The following PIKFYVE variants were observed in gnomAD, a reference collection of about 807,000 sequenced individuals.
PIKFYVE encodes the protein phosphoinositide kinase, FYVE-type zinc finger containing, also known as 1-phosphatidylinositol 3-phosphate 5-kinase.
PIKFYVE carries 122 observed loss-of-function variants against 257.9 expected under a neutral mutation model. The observed-to-expected ratio is 0.47, with a 90% CI of 0.41 to 0.55. The LOEUF is 0.55. Among genes scored for constraint, PIKFYVE ranks in the 20% least tolerant of loss-of-function variants. The pLI is 0.00. For missense variants in PIKFYVE, 2,160 were observed against 2,536.6 expected, an observed-to-expected ratio of 0.85 and a Z score of 3.19; for synonymous variants, 892 against 868.9, an observed-to-expected ratio of 1.03 and a Z score of -0.47.
intron 31 of PIKFYVE, 64 bp downstream of exon 31, chr2:208,340,195 A>G (rs1382676582): frequency 9.0e-6 from 14 of 1,550,006 alleles, no homozygotes; most frequent in East Asian, 2.2e-5. Flanking sequence ...TGCTCGCTTC[A>G]TATTTAAATA....
rs1242634262 is a variant in PIKFYVE, at chr2:208,304,847, T to C, written c.1470T>C (p.Asn490=). The change falls in exon 12 of 42, where the codon AAT becomes AAC. Residue 490 remains asparagine, a splice_region_variant and synonymous_variant. Coordinates refer to ENST00000264380, the MANE Select transcript of PIKFYVE (RefSeq NM_015040.4). ...IAEEGDDNLA[N]SASPSKRTSV... Reference sequence around the variant, plus strand: ...CTTTCCCCTTCCCAACACTAAAAGATTCTGCCAGTCCTAGCAAGCGCACAT... The same window carrying C: ...CTTTCCCCTTCCCAACACTAAAAGACTCTGCCAGTCCTAGCAAGCGCACAT... 6.2e-7 allele frequency: 1 copy of C among 1,614,000 alleles called. No individual in the cohort carries two copies. Among genetic ancestry groups the C allele is most frequent in the East Asian group, 2.2e-5 (1 of 44,884 alleles).
chr2:208,279,055 C>G (rs1306275243), intron 5 of PIKFYVE, among the ~76,000 whole-genome samples: 1 of 152,152 alleles, frequency 6.6e-6, no homozygotes, highest in Non-Finnish European at 1.5e-5. Flanking sequence ...TTCTCTGCAG[C>G]TTTACCAGCA....
In PIKFYVE at chr2:208,315,340, C is replaced by T. The variant is rs753424011; in HGVS notation, c.1974C>T (p.Asp658=). 4 of 1,614,162 alleles carry T rather than the reference C, an allele frequency of 2.5e-6. No individual in the cohort carries two copies. In the Admixed American group the frequency reaches 6.7e-5, roughly 27 times the overall value. The change falls in exon 15 of 42, where the codon GAC becomes GAT. Residue 658 remains aspartate (D), a synonymous_variant. Transcript: ENST00000264380. The stretch of plus-strand genomic sequence containing the variant: ...CTGATGTCAAGAACCAGGATGATGA[C>T]ATGGATATCCGTCAGTTTGTCCACA... The part of the protein sequence containing the change: ...VRPDVKNQDD[D]MDIRQFVHIK...
chr2:208,325,582 G>T lies in PIKFYVE; in HGVS notation c.2771G>T (p.Cys924Phe). 6.2e-7 allele frequency: 1 copy of T among 1,614,088 alleles called. No homozygotes were observed. The highest frequency in any genetic ancestry group is 1.1e-5 in the South Asian group (1 of 91,074). Reference sequence around the variant, plus strand: ...GACATCCCTCCTGAGTCTCTGCCCTGTGATGATAGCAGTTTGCTGGAATTG... The same window carrying T: ...GACATCCCTCCTGAGTCTCTGCCCTTTGATGATAGCAGTTTGCTGGAATTG... The part of the protein sequence containing the change: ...DPDIPPESLP[C>F]DDSSLLELRI... The change falls in exon 20 of 42, where the codon TGT becomes TTT. Residue 924 changes from cysteine (C) to phenylalanine (F), a missense_variant. Physicochemically the swap from Cys to Phe is radical, Grantham distance 205. Coordinates refer to ENST00000264380, the MANE Select transcript of PIKFYVE (RefSeq NM_015040.4).
intron 24 of PIKFYVE, among the ~76,000 whole-genome samples, chr2:208,334,781 T>C (rs550299675): frequency 6.6e-6 from 1 of 152,352 alleles, no homozygotes; most frequent in Admixed American, 6.5e-5. Flanking sequence ...CCTAAAACAG[T>C]GTCTGGCACA....
intron 21 of PIKFYVE, among the ~76,000 whole-genome samples, chr2:208,328,611 A>G (rs541606784): frequency 2.0e-5 from 3 of 152,232 alleles, no homozygotes; most frequent in South Asian, 2.1e-4. Flanking sequence ...AAATACTTGC[A>G]TATACTTAAT....
intron 7 of PIKFYVE, among the ~76,000 whole-genome samples, chr2:208,295,666 A>T (rs1365144459): frequency 1.3e-5 from 2 of 152,132 alleles, no homozygotes; most frequent in Non-Finnish European, 2.9e-5. Context: ...TCAATCTGTT[A>T]TGTTATAAAG....
At chr2:208,304,767 T>G in intron 11 of PIKFYVE, 79 bp from the exon 12 acceptor site, 1 of 1,399,626 alleles carries the variant, frequency 7.1e-7, no homozygotes. Context: ...ATTTTTCTCC[T>G]TTCCTCCAAT....
chr2:208,336,331 G>A (rs757109443), intron 27 of PIKFYVE, 131 bp downstream of exon 27: 38 of 982,512 alleles, frequency 3.9e-5, no homozygotes, highest in Middle Eastern at 2.8e-4. Flanking sequence ...TTTGTTTCCT[G>A]TCACTCTCCT....
Position 208,325,911 on chromosome 2 carries a change from T to A in PIKFYVE, c.3100T>A (p.Ser1034Thr). ...ATATGTTACTGAGGAAGTCACCTCC[T>A]CTGAAGATAAACGAAAGACTTATTC... Reference protein sequence around the residue: ...GLYVTEEVTSSEDKRKTYSLA... With the variant: ...GLYVTEEVTSTEDKRKTYSLA... The change falls in exon 20 of 42, where the codon TCT becomes ACT. Residue 1034 changes from serine to threonine, a missense_variant. By Grantham distance (58) the Ser-to-Thr change is moderately conservative. Transcript: ENST00000264380. 2.5e-6 allele frequency: 4 copies of A among 1,614,122 alleles called. No individual in the cohort carries two copies. Among genetic ancestry groups the A allele is most frequent in the Non-Finnish European group, 8.5e-7 (1 of 1,179,964 alleles).
rs376773052 is a variant in PIKFYVE, at chr2:208,267,502, G to GTTTTTTT, written c.-10+1101_-10+1107dup. On this transcript the variant is annotated intron_variant, in intron 1 of 41. Transcript: ENST00000264380. Reference sequence around the variant, plus strand: ...GCTTTCCTAAATTATTACATTGCCAGTTTTTTTTTTTTTTTTTTTTGAGAG... The same window carrying GTTTTTTT: ...GCTTTCCTAAATTATTACATTGCCAGTTTTTTTTTTTTTTTTTTTTTTTTTTTGAGAG... 8.1e-4 allele frequency among the ~76,000 whole-genome samples: 88 copies of GTTTTTTT among 109,112 alleles called. 5 individuals carry two copies. Among genetic ancestry groups the GTTTTTTT allele is most frequent in the African/African-American group, 2.0e-3 (54 of 26,366 alleles). The allele number at this position is 109,112 out of a possible 152,430, so 71.6% of individuals were successfully genotyped here.
intron 1 of PIKFYVE, among the ~76,000 whole-genome samples, chr2:208,267,754 G>GCCTCGGCCTC (rs1688847122): frequency 6.6e-6 from 1 of 152,074 alleles, no homozygotes; most frequent in Admixed American, 6.5e-5. Context: ...CGATTCACCC[G>GCCTCGGCCTC]CCTCGGCCTC....
intron 6 of PIKFYVE, 143 bp from the exon 7 acceptor site, chr2:208,288,586 C>T: frequency 7.8e-7 from 1 of 1,274,572 alleles, no homozygotes; most frequent in Non-Finnish European, 1.1e-6. Context: ...CATTTACACC[C>T]TAATTAAAGG....
At chr2:208,339,055 C>G (rs1300244156) in intron 29 of PIKFYVE, among the ~76,000 whole-genome samples, 1 of 152,122 alleles carries the variant, frequency 6.6e-6, no homozygotes, top group Non-Finnish European at 1.5e-5. Context: ...ATTATAATTG[C>G]TTTTTCTCTC....
intron 14 of PIKFYVE, 111 bp downstream of exon 14, chr2:208,314,534 G>A: frequency 1.6e-6 from 2 of 1,246,472 alleles, no homozygotes; most frequent in East Asian, 2.6e-5. Context: ...TTTTTCCTTA[G>A]AAAGTAAAAA....
chr2:208,299,256 C>T (rs954278674), intron 8 of PIKFYVE, among the ~76,000 whole-genome samples: 10 of 152,040 alleles, frequency 6.6e-5, no homozygotes, highest in South Asian at 4.2e-4. Context: ...ATTCTATACT[C>T]ATTGCATTAA....
At position 208,329,896 on chromosome 2, in the gene PIKFYVE, A is replaced by C; in HGVS notation, c.3774A>C (p.Leu1258Phe). 3.1e-6 allele frequency: 5 copies of C among 1,610,736 alleles called. No homozygotes were observed. Among genetic ancestry groups the C allele is most frequent in the Non-Finnish European group, 4.2e-6 (5 of 1,177,750 alleles). ...GKNDLTLGIF[L>F]ERYCFRPSYQ... ...ATGATCTTACATTAGGAATATTTTT[A>C]GAGAGATACTGTTTCAGGTAAGAAC... The change falls in exon 22 of 42, where the codon TTA becomes TTC. Residue 1258 changes from leucine (L) to phenylalanine (F), a missense_variant. Coordinates refer to ENST00000264380, the MANE Select transcript of PIKFYVE (RefSeq NM_015040.4).
At chr2:208,306,860 C>G (rs1694386912) in intron 12 of PIKFYVE, among the ~76,000 whole-genome samples, 1 of 151,804 alleles carries the variant, frequency 6.6e-6, no homozygotes. Context: ...TCACTGCAAC[C>G]TCCGCCTCGT....
intron 5 of PIKFYVE, 90 bp from the exon 6 acceptor site, chr2:208,285,636 C>T (rs1271834645): frequency 5.8e-6 from 6 of 1,041,682 alleles, no homozygotes; most frequent in Admixed American, 1.7e-5. Context: ...AACTGTTGAC[C>T]CAAGGAGTTA....
Sources: allele counts gnomAD v4.1 joint callset (sites outside exome capture counted in the v4.1 genomes callset), GRCh38; gene constraint gnomAD v4.1.1; transcripts MANE v1.5; gene names NCBI Gene and HGNC (gene_info 2026-07-23, HGNC 2026-07-21).